The following USP10 variants were observed in gnomAD, a reference collection of about 807,000 sequenced individuals.
USP10 encodes ubiquitin specific peptidase 10.
In USP10, 22 loss-of-function variants were observed where a neutral mutation model predicts 84.5. The ratio of observed to expected loss-of-function variants is 0.26; its 90% CI spans 0.19 to 0.37. The LOEUF is 0.37. Among genes scored for constraint, USP10 ranks in the 10% least tolerant of loss-of-function variants. USP10 has a pLI of 1.00. For synonymous variants in USP10, 454 were observed against 387.6 expected, an observed-to-expected ratio of 1.17 and a Z score of -2.01; for missense variants, 1,019 against 998.9, an observed-to-expected ratio of 1.02 and a Z score of -0.27.
chr16:84,732,637 G>A (rs1329765522), intron 1 of USP10: 1 of 304,932 alleles, frequency 3.3e-6, no homozygotes, highest in Non-Finnish European at 6.4e-6. Flanking sequence ...AGTAAAGATG[G>A]GGGTTTCACC....
At chr16:84,775,619 G>A (rs373358150) in intron 13 of USP10, among the ~76,000 whole-genome samples, 10 of 152,282 alleles carry the variant, frequency 6.6e-5, no homozygotes, top group African/African-American at 9.6e-5. Flanking sequence ...GCCCCCAGCC[G>A]GTGATCCCTG....
intron 3 of USP10, among the ~76,000 whole-genome samples, chr16:84,743,124 C>G (rs1411306274): frequency 6.6e-6 from 1 of 152,110 alleles, no homozygotes; most frequent in African/African-American, 2.4e-5. Flanking sequence ...ACAGCCAGCC[C>G]CTACATATGA....
intron 4 of USP10, among the ~76,000 whole-genome samples, chr16:84,758,067 A>G (rs191063811): frequency 4.2e-4 from 64 of 152,368 alleles, no homozygotes; most frequent in African/African-American, 1.3e-3. Context: ...AGAAAGAGTG[A>G]TGTCCACTCA....
intron 3 of USP10, among the ~76,000 whole-genome samples, chr16:84,740,963 A>C (rs1910551507): frequency 1.3e-5 from 2 of 152,236 alleles, no homozygotes; most frequent in South Asian, 4.1e-4. Context: ...TGGAATACCA[A>C]CAAGGTTGTT....
chr16:84,735,196 G>GATGTGTGTGTGTGTGTGTGTGT (rs1555541026), intron 2 of USP10, among the ~76,000 whole-genome samples: 2 of 146,264 alleles, frequency 1.4e-5, no homozygotes, highest in African/African-American at 5.1e-5. Flanking sequence ...AGGCCCGGGT[G>GATGTGTGTGTGTGTGTGTGTGT]GTGTGTGTGT....
chr16:84,731,204 C>T (rs1017502259), intron 1 of USP10, among the ~76,000 whole-genome samples: 20 of 151,610 alleles, frequency 1.3e-4, no homozygotes, highest in Non-Finnish European at 2.5e-4. Context: ...TGGTCTCGAT[C>T]TTCTGACCTC....
At chr16:84,736,664 C>T (rs1004875255) in intron 2 of USP10, among the ~76,000 whole-genome samples, 1 of 152,188 alleles carries the variant, frequency 6.6e-6, no homozygotes, top group Non-Finnish European at 1.5e-5. Context: ...TTGGAAGTAG[C>T]ACACATCCCA....
Position 84,760,157 on chromosome 16 carries a change from C to G in USP10, c.1451-15C>G, listed in dbSNP as rs1241327131. 6.3e-7 allele frequency: 1 copy of G among 1,593,268 alleles called. No homozygotes were observed. Among genetic ancestry groups the G allele is most frequent in the African/African-American group, 1.3e-5 (1 of 74,716 alleles). On this transcript the variant is annotated splice_polypyrimidine_tract_variant and intron_variant, in intron 7 of 13. Coordinates refer to ENST00000219473, the MANE Select transcript of USP10 (RefSeq NM_005153.3). ...CATTGTAGTTAGGAAAACCTGTGTC[C>G]TCTTTCCATTGCAGCTCTTGGAGAT...
chr16:84,732,150 G>A (rs369035180), intron 1 of USP10, among the ~76,000 whole-genome samples: 1 of 152,168 alleles, frequency 6.6e-6, no homozygotes, highest in Non-Finnish European at 1.5e-5. Context: ...TACCAGGAGG[G>A]TATTACATTT....
At chr16:84,754,286 C>G (rs1279185553) in intron 4 of USP10, among the ~76,000 whole-genome samples, 1 of 151,924 alleles carries the variant, frequency 6.6e-6, no homozygotes, top group African/African-American at 2.4e-5. Flanking sequence ...AAAGACTTGC[C>G]ACTAGATAAA....
intron 9 of USP10, among the ~76,000 whole-genome samples, chr16:84,763,703 G>A (rs1432375412): frequency 6.6e-6 from 1 of 152,234 alleles, no homozygotes; most frequent in Non-Finnish European, 1.5e-5. Context: ...TGGTTGCCGT[G>A]GATCAAGTGG....
At chr16:84,729,613 AC>A (rs1567607243) in intron 1 of USP10, among the ~76,000 whole-genome samples, 1 of 152,194 alleles carries the variant, frequency 6.6e-6, no homozygotes, top group Non-Finnish European at 1.5e-5. Flanking sequence ...ATGCTCTTAA[AC>A]CCTTGGCACT....
intron 4 of USP10, among the ~76,000 whole-genome samples, chr16:84,749,047 C>G (rs529345367): frequency 1.3e-5 from 2 of 152,120 alleles, no homozygotes; most frequent in African/African-American, 2.4e-5. Flanking sequence ...CTTCGATAGA[C>G]AGAACGTAGT....
In USP10 at chr16:84,737,704, C is replaced by T. The variant is rs976422267; in HGVS notation, c.91-2605C>T. Reference sequence around the variant, plus strand: ...TCTTACTGGCAGTGTCACCTGCTGGCACTGTCACCTGGCTTCCTCATCTGA... The same window carrying T: ...TCTTACTGGCAGTGTCACCTGCTGGTACTGTCACCTGGCTTCCTCATCTGA... On this transcript the variant is annotated intron_variant, in intron 2 of 13. Transcript: ENST00000219473. 6.6e-5 allele frequency among the ~76,000 whole-genome samples: 10 copies of T among 152,322 alleles called. No homozygotes were observed. The East Asian group carries it at 1.9e-3, about 29-fold the overall frequency.
intron 9 of USP10, among the ~76,000 whole-genome samples, chr16:84,763,832 G>A (rs1363446606): frequency 6.6e-6 from 1 of 151,890 alleles, no homozygotes; most frequent in Admixed American, 6.6e-5. Context: ...CGTTGTGCCT[G>A]TTGGGATTGG....
intron 9 of USP10, 59 bp from the exon 10 acceptor site, chr16:84,764,027 T>G: frequency 1.5e-6 from 2 of 1,358,902 alleles, no homozygotes; most frequent in Non-Finnish European, 1.9e-6. Context: ...ATCTGTGCCT[T>G]TTTTTTTTTT....
At chr16:84,701,477 T>TA (rs1002082509) in intron 1 of USP10, among the ~76,000 whole-genome samples, 17 of 151,670 alleles carry the variant, frequency 1.1e-4, no homozygotes, top group Admixed American at 6.6e-4. Flanking sequence ...ACCTTTCTGT[T>TA]AAAAAAAAAG....
At chr16:84,745,845 A>G (rs1911166583) in intron 4 of USP10, among the ~76,000 whole-genome samples, 172 bp downstream of exon 4, 1 of 152,240 alleles carries the variant, frequency 6.6e-6, no homozygotes, top group South Asian at 2.1e-4. Flanking sequence ...ATATAGAAAC[A>G]AATGGGAGGA....
intron 1 of USP10, among the ~76,000 whole-genome samples, chr16:84,732,857 A>G (rs149589565): frequency 1.8e-3 from 270 of 152,328 alleles, no homozygotes; most frequent in Non-Finnish European, 1.4e-3. Flanking sequence ...CACATTCTGA[A>G]TTCCGTGAAA....
Sources: gnomAD v4.1 joint callset for allele counts (sites outside exome capture counted in the v4.1 genomes callset) on GRCh38, gnomAD v4.1.1 for gene constraint, MANE v1.5 for transcripts, NCBI Gene and HGNC (gene_info 2026-07-23, HGNC 2026-07-21) for gene names.